SULF1: variants seen among roughly 807,000 people sequenced by gnomAD.
The protein encoded by SULF1 is sulfatase 1, also known as extracellular sulfatase Sulf-1.
In SULF1, 46 loss-of-function variants were observed where a neutral mutation model predicts 110.5. That is an observed-to-expected ratio of 0.42 (90% confidence interval 0.33 to 0.53). SULF1 has a LOEUF of 0.53. SULF1 is among the 20% of genes least tolerant of loss of function. SULF1 has a pLI of 0.12. For missense variants in SULF1, 941 were observed against 1,094.2 expected (o/e 0.86, Z 1.98); for synonymous variants, 371 against 387.1 (o/e 0.96, Z 0.49).
At chr8:69,530,914 A>G (rs1252735537) in intron 3 of SULF1, among the ~76,000 whole-genome samples, 1 of 152,246 alleles carries the variant, frequency 6.6e-6, no homozygotes, top group African/African-American at 2.4e-5. Context: ...AATGAGGTAA[A>G]CAGGTACTTA....
intron 1 of SULF1, among the ~76,000 whole-genome samples, 162 bp from the exon 2 acceptor site, chr8:69,495,603 C>A (rs1025307815): frequency 6.6e-6 from 1 of 152,182 alleles, no homozygotes; most frequent in Non-Finnish European, 1.5e-5. Flanking sequence ...GCAGTCTTGC[C>A]TGTAGCTATG....
chr8:69,563,925 A>T lies in SULF1; in HGVS notation c.-51A>T. ...TTCTCTGACTGCCCAGAACTCCAGA[A>T]ATCAGGAGACGGAGACATTTTGTCA... On this transcript the variant is annotated 5_prime_UTR_variant, in exon 5 of 23. Coordinates refer to ENST00000402687, the MANE Select transcript of SULF1 (RefSeq NM_001128205.2). 1 of 1,584,016 alleles carries T rather than the reference A, an allele frequency of 6.3e-7. No individual in the cohort carries two copies. Among genetic ancestry groups the T allele is most frequent in the Non-Finnish European group, 8.7e-7 (1 of 1,155,390 alleles).
chr8:69,500,423 C>T (rs1282896640), intron 2 of SULF1, among the ~76,000 whole-genome samples: 2 of 152,204 alleles, frequency 1.3e-5, no homozygotes, highest in Admixed American at 6.5e-5. Context: ...TCCGGCATCT[C>T]ATTCCAGACT....
chr8:69,616,702 G>GTGTTTTTTTT, intron 13 of SULF1, among the ~76,000 whole-genome samples: 1 of 104,604 alleles, frequency 9.6e-6, no homozygotes, highest in East Asian at 3.1e-4. Flanking sequence ...GTGCCCGGCC[G>GTGTTTTTTTT]TTTTTTTTTT....
chr8:69,516,444 G>A (rs1811923914), intron 3 of SULF1, among the ~76,000 whole-genome samples: 1 of 151,772 alleles, frequency 6.6e-6, no homozygotes, highest in Non-Finnish European at 1.5e-5. Flanking sequence ...CAACAAGAGG[G>A]AAATCCACCC....
At chr8:69,470,639 C>G (rs551138891) in intron 1 of SULF1, among the ~76,000 whole-genome samples, 5 of 152,262 alleles carry the variant, frequency 3.3e-5, no homozygotes, top group Admixed American at 2.6e-4. Context: ...CCACTTGCCT[C>G]CATTTCCCTC....
intron 8 of SULF1, among the ~76,000 whole-genome samples, chr8:69,591,097 T>C (rs1296071667): frequency 1.3e-5 from 2 of 152,154 alleles, no homozygotes; most frequent in African/African-American, 4.8e-5. Context: ...TTGTGGCTCC[T>C]TAAAAGTCAG....
intron 3 of SULF1, among the ~76,000 whole-genome samples, chr8:69,549,178 G>C (rs576202557): frequency 5.3e-5 from 8 of 152,350 alleles, no homozygotes; most frequent in African/African-American, 1.4e-4. Flanking sequence ...AGTGAGAAGA[G>C]CCACAGCTTG....
Position 69,621,267 on chromosome 8 carries a change from G to A in SULF1, c.1594+16G>A, listed in dbSNP as rs1809583884. On this transcript the variant is annotated intron_variant, in intron 14 of 22. Transcript: ENST00000402687. The stretch of plus-strand genomic sequence containing the variant: ...GGGACTCCAAGTAAGCCACGCTTTT[G>A]TGACCATCTCAATGGTGGCCTAGGC... 9.4e-6 allele frequency: 15 copies of A among 1,601,276 alleles called. No homozygotes were observed. The highest frequency in any genetic ancestry group is 1.7e-4 in the Middle Eastern group (1 of 5,830).
intron 3 of SULF1, among the ~76,000 whole-genome samples, chr8:69,509,346 C>A (rs1399946246): frequency 6.6e-6 from 1 of 151,688 alleles, no homozygotes; most frequent in African/African-American, 2.4e-5. Flanking sequence ...AGAAGGAAGG[C>A]CATAGAATTG....
chr8:69,590,412 A>C (rs1030979672), intron 8 of SULF1, among the ~76,000 whole-genome samples: 1 of 151,964 alleles, frequency 6.6e-6, no homozygotes, highest in Non-Finnish European at 1.5e-5. Flanking sequence ...TGATCCACCC[A>C]CCTCGGCCTC....
intron 3 of SULF1, among the ~76,000 whole-genome samples, chr8:69,521,002 T>C (rs1812259924): frequency 6.6e-6 from 1 of 152,152 alleles, no homozygotes; most frequent in African/African-American, 2.4e-5. Flanking sequence ...TCTTTCAGTA[T>C]AAAATGGGGG....
At chr8:69,657,931 G>C (rs1812849754) in intron 22 of SULF1, among the ~76,000 whole-genome samples, 1 of 152,164 alleles carries the variant, frequency 6.6e-6, no homozygotes, top group African/African-American at 2.4e-5. Context: ...AGAACTTTCA[G>C]GGCAAAAACA....
upstream of SULF1, among the ~76,000 whole-genome samples, chr8:69,489,172 C>T (rs766214453): frequency 1.3e-5 from 2 of 152,136 alleles, no homozygotes; most frequent in African/African-American, 2.4e-5. Context: ...CAAACTAAAC[C>T]GACTTATATG....
chr8:69,619,789 G>A (rs533861036), intron 13 of SULF1, among the ~76,000 whole-genome samples: 2 of 152,306 alleles, frequency 1.3e-5, no homozygotes, highest in East Asian at 1.9e-4. Context: ...GGGGGAGCAC[G>A]CAGATAGGCA....
At position 69,621,322 on chromosome 8, in the gene SULF1, G is replaced by T. The variant is rs544731533; in HGVS notation, c.1594+71G>T. ...GGGAATAAACAATAGAGAGACGAAAGGGTTGCTCCTTCTACATTTTAGATA... is the reference window on the plus strand; with the variant it reads ...GGGAATAAACAATAGAGAGACGAAATGGTTGCTCCTTCTACATTTTAGATA... On this transcript the variant is annotated intron_variant, in intron 14 of 22. Transcript: ENST00000402687. 1.1e-4 allele frequency: 123 copies of T among 1,124,910 alleles called. 1 individual carries two copies. The Middle Eastern group carries it at 3.7e-3, about 34-fold the overall frequency. The allele number at this position is 1,124,910 out of a possible 1,614,324, so 69.7% of individuals were successfully genotyped here.
At chr8:69,639,156 C>T (rs549504076) in intron 21 of SULF1, among the ~76,000 whole-genome samples, 8 of 152,238 alleles carry the variant, frequency 5.3e-5, no homozygotes, top group Admixed American at 1.3e-4. Context: ...GACACGAAAG[C>T]GTTAGGTATT....
At chr8:69,500,205 T>C (rs1810696103) in intron 2 of SULF1, among the ~76,000 whole-genome samples, 1 of 152,242 alleles carries the variant, frequency 6.6e-6, no homozygotes, top group African/African-American at 2.4e-5. Context: ...GTCCAAGTAA[T>C]AATGATTGCC....
At position 69,568,885 on chromosome 8, in the gene SULF1, A is replaced by G. The variant is rs117643387; in HGVS notation, c.172+4738A>G. ...CAAAACTGAAAAAATATATATCTGA[A>G]AGAATATAATCATGTTAAGTTTTGT... On this transcript the variant is annotated intron_variant, in intron 5 of 22. Coordinates refer to ENST00000402687, the MANE Select transcript of SULF1 (RefSeq NM_001128205.2). 6.0e-3 allele frequency among the ~76,000 whole-genome samples: 918 copies of G among 152,330 alleles called. 11 individuals carry two copies. Among genetic ancestry groups the G allele is most frequent in the Middle Eastern group, 0.017 (5 of 294 alleles).
Sources: allele counts gnomAD v4.1 joint callset (sites outside exome capture counted in the v4.1 genomes callset), GRCh38; gene constraint gnomAD v4.1.1; transcripts MANE v1.5; gene names NCBI Gene and HGNC (gene_info 2026-07-23, HGNC 2026-07-21).